PTPN3: variants seen among roughly 807,000 people sequenced by gnomAD.
The protein encoded by PTPN3 is protein tyrosine phosphatase non-receptor type 3, also known as tyrosine-protein phosphatase non-receptor type 3.
PTPN3 carries 96 observed loss-of-function variants against 132.7 expected under a neutral mutation model. The ratio of observed to expected loss-of-function variants is 0.72; its 90% confidence interval spans 0.61 to 0.86. PTPN3 has a LOEUF of 0.86. Among genes scored for constraint, PTPN3 ranks in the 40% least tolerant of loss-of-function variants. The probability of loss-of-function intolerance (pLI) is 0.00; values close to 1 mark genes in which losing one functional copy is unlikely to be tolerated. For missense variants in PTPN3, 1,125 were observed against 1,159.6 expected, an observed-to-expected ratio of 0.97 and a Z score of 0.43; for synonymous variants, 398 against 429.0, an observed-to-expected ratio of 0.93 and a Z score of 0.89.
chr9:109,432,168 T>C lies in PTPN3; in HGVS notation c.764+905A>G, dbSNP rs186514803. Among the ~76,000 whole-genome samples, 726 of 151,820 alleles carry C rather than the reference T, an allele frequency of 4.8e-3. 6 individuals carry two copies. The highest frequency in any genetic ancestry group is 0.017 in the African/African-American group (698 of 41,452). On this transcript the variant is annotated intron_variant, in intron 10 of 25. Coordinates refer to ENST00000374541, the MANE Select transcript of PTPN3 (RefSeq NM_002829.4). ...CTTAAGTTACTTGCAGGTTTTTTCC[T>C]GTTATAAATAATGCTGTGATGAACA...
chr9:109,498,786 C>T (rs977339584), upstream of PTPN3, among the ~76,000 whole-genome samples: 1 of 152,176 alleles, frequency 6.6e-6, no homozygotes, highest in Non-Finnish European at 1.5e-5. This position sits in a 1 kb window ranked among gnomAD's most constrained non-coding sequence, Gnocchi z 4.2. Context: ...TCTCATCTCA[C>T]ACCTGCCTTC....
At chr9:109,487,341 G>GC (rs984161681) in intron 1 of PTPN3, among the ~76,000 whole-genome samples, 2 of 152,186 alleles carry the variant, frequency 1.3e-5, no homozygotes, top group African/African-American at 4.8e-5. Flanking sequence ...AGCAGGGAGG[G>GC]CCCCCCTGGC....
upstream of PTPN3, among the ~76,000 whole-genome samples, chr9:109,502,780 C>G (rs1249166919): frequency 6.6e-6 from 1 of 152,146 alleles, no homozygotes; most frequent in African/African-American, 2.4e-5. Flanking sequence ...TGGACAACAG[C>G]AAGACTCTGT....
chr9:109,402,192 G>C (rs970297972), intron 19 of PTPN3, among the ~76,000 whole-genome samples: 1 of 152,120 alleles, frequency 6.6e-6, no homozygotes, highest in Non-Finnish European at 1.5e-5. Context: ...TCCTTGTTTC[G>C]ATTTTGGAGT....
chr9:109,448,301 C>T (rs1189712675), intron 6 of PTPN3, among the ~76,000 whole-genome samples: 1 of 152,096 alleles, frequency 6.6e-6, no homozygotes, highest in Non-Finnish European at 1.5e-5. Flanking sequence ...CAGTTTCTTC[C>T]CTAAGTCAAG....
chr9:109,393,973 G>A (rs898333367), intron 19 of PTPN3, among the ~76,000 whole-genome samples: 5 of 152,124 alleles, frequency 3.3e-5, no homozygotes, highest in Admixed American at 2.6e-4. Flanking sequence ...CACTCCAAGA[G>A]CTCAGCTACT....
chr9:109,444,323 C>T (rs1259787250), intron 7 of PTPN3, among the ~76,000 whole-genome samples: 1 of 152,164 alleles, frequency 6.6e-6, no homozygotes, highest in African/African-American at 2.4e-5. Flanking sequence ...ATTGTGCCTA[C>T]CCAGCATCTA....
At chr9:109,533,058 C>G in the PTPN3 span, 1 of 255,044 alleles carries the variant, frequency 3.9e-6, no homozygotes, top group African/African-American at 2.5e-5. Context: ...CGGGTTCAGG[C>G]AATTCTCCTG....
chr9:109,462,590 G>A (rs1845898729), intron 2 of PTPN3, among the ~76,000 whole-genome samples: 1 of 152,094 alleles, frequency 6.6e-6, no homozygotes, highest in Non-Finnish European at 1.5e-5. Flanking sequence ...CATGGGCAAA[G>A]GTCACGGGCT....
intron 5 of PTPN3, chr9:109,450,561 A>G: frequency 1.0e-6 from 1 of 985,150 alleles, no homozygotes; most frequent in African/African-American, 1.7e-5. Flanking sequence ...ATGGCATCAT[A>G]CACAAAGAAA....
At chr9:109,428,318 C>T (rs1229313493) in intron 11 of PTPN3, among the ~76,000 whole-genome samples, 2 of 152,210 alleles carry the variant, frequency 1.3e-5, no homozygotes, top group Non-Finnish European at 2.9e-5. Context: ...AATCCTCCAA[C>T]CAGCTAAGCA....
chr9:109,411,560 C>T (rs1331372109), intron 14 of PTPN3, among the ~76,000 whole-genome samples: 1 of 152,154 alleles, frequency 6.6e-6, no homozygotes, highest in East Asian at 1.9e-4. Flanking sequence ...CTCCTACATT[C>T]TAAGACTCTG....
At chr9:109,381,896 C>G in intron 24 of PTPN3, 109 bp from the exon 25 acceptor site, 1 of 1,358,174 alleles carries the variant, frequency 7.4e-7, no homozygotes, top group East Asian at 2.4e-5. Flanking sequence ...CCTTGGCCTT[C>G]GAGAAGACAA....
chr9:109,415,918 A>G (rs1842453176), intron 14 of PTPN3, among the ~76,000 whole-genome samples: 1 of 152,196 alleles, frequency 6.6e-6, no homozygotes, highest in Non-Finnish European at 1.5e-5. Flanking sequence ...ATCTACACGC[A>G]AGTGGACTCA....
chr9:109,393,605 T>C (rs1840319591), intron 19 of PTPN3, among the ~76,000 whole-genome samples: 1 of 151,946 alleles, frequency 6.6e-6, no homozygotes, highest in Admixed American at 6.6e-5. Flanking sequence ...CAGGCTGGTC[T>C]TGAACTCCTG....
At chr9:109,498,765 T>TC (rs1168841998), upstream of PTPN3, among the ~76,000 whole-genome samples, 2 of 152,162 alleles carry the variant, frequency 1.3e-5, no homozygotes, top group African/African-American at 4.8e-5. The surrounding 1 kb of genome is among the most constrained non-coding windows in gnomAD (Gnocchi z 4.2). Flanking sequence ...TGCTCCTGCT[T>TC]CCCACCTCCG....
At chr9:109,423,766 A>G (rs1242182619) in intron 12 of PTPN3, among the ~76,000 whole-genome samples, 2 of 152,164 alleles carry the variant, frequency 1.3e-5, no homozygotes, top group Non-Finnish European at 2.9e-5. Flanking sequence ...GAAGCCTGTC[A>G]CCCTGTTAAA....
intron 14 of PTPN3, among the ~76,000 whole-genome samples, chr9:109,413,529 C>T (rs532195628): frequency 3.3e-5 from 5 of 152,248 alleles, no homozygotes; most frequent in Non-Finnish European, 5.9e-5. Flanking sequence ...GAATGCAGTG[C>T]GGCTGAGGAG....
At chr9:109,512,334 T>G in the PTPN3 span, among the ~76,000 whole-genome samples, 2 of 152,198 alleles carry the variant, frequency 1.3e-5, no homozygotes, top group African/African-American at 4.8e-5. Context: ...GTCCACAGAT[T>G]GGAGGGCATT....
Sources: gnomAD v4.1 joint callset for allele counts (sites outside exome capture counted in the v4.1 genomes callset) on GRCh38, gnomAD v4.1.1 for gene constraint, Gnocchi (gnomAD v3.1) non-coding constraint, MANE v1.5 for transcripts, NCBI Gene and HGNC (gene_info 2026-07-23, HGNC 2026-07-21) for gene names.